The following RBFOX1 variants were observed in gnomAD, a reference collection of about 807,000 sequenced individuals.
RBFOX1 encodes RNA binding fox-1 homolog 1.
A neutral mutation model predicts 57.7 loss-of-function variants in RBFOX1; 8 were observed. The ratio of observed to expected loss-of-function variants is 0.14; its 90% CI spans 0.08 to 0.25. The LOEUF (loss-of-function observed/expected upper bound fraction) is 0.25. Among genes scored for constraint, RBFOX1 ranks in the 10% least tolerant of loss-of-function variants. The pLI is 1.00. For synonymous variants in RBFOX1, 326 were observed against 222.4 expected, an observed-to-expected ratio of 1.47 and a Z score of -4.15; for missense variants, 611 against 548.5, an observed-to-expected ratio of 1.11 and a Z score of -1.14.
chr16:7,635,704 G>A (rs1370881923), intron 11 of RBFOX1, among the ~76,000 whole-genome samples: 1 of 152,150 alleles, frequency 6.6e-6, no homozygotes, highest in Non-Finnish European at 1.5e-5. Flanking sequence ...AAGCCTTTTA[G>A]ATATTTTCAT....
Position 7,589,641 on chromosome 16 carries a change from G to A in RBFOX1, c.468+2341G>A, listed in dbSNP as rs111721178. 2.4e-3 allele frequency among the ~76,000 whole-genome samples: 357 copies of A among 151,638 alleles called. 5 individuals are homozygous for A. The highest frequency in any genetic ancestry group is 8.2e-3 in the African/African-American group (338 of 41,294). ...GAATGGCACTGAGACAGTCCAGTTG[G>A]GACTGCTAAATGGGGGCAGCAGCTC... On this transcript the variant is annotated intron_variant, in intron 7 of 15. Coordinates refer to ENST00000550418, the MANE Select transcript of RBFOX1 (RefSeq NM_018723.4).
At position 7,711,000 on chromosome 16, in the gene RBFOX1, A is replaced by G; in HGVS notation, c.*255A>G. The stretch of plus-strand genomic sequence containing the variant: ...CTGTAGGAGTTTTTGTGGTTGATCT[A>G]GACAGATGCTAGATAATGAATAAAA... On this transcript the variant is annotated 3_prime_UTR_variant, in exon 16 of 16. Transcript: ENST00000550418. 2.6e-6 allele frequency: 1 copy of G among 378,218 alleles called. No individual in the cohort carries two copies. 23.4% of individuals were successfully genotyped at this position (378,218 alleles called of 1,614,324 possible).
intron 3 of RBFOX1, among the ~76,000 whole-genome samples, chr16:6,668,315 G>T (rs1040016098): frequency 1.3e-5 from 2 of 152,202 alleles, no homozygotes; most frequent in African/African-American, 2.4e-5. Flanking sequence ...TGCCTGCCAA[G>T]GGTGGAGGAG....
intron 2 of RBFOX1, among the ~76,000 whole-genome samples, chr16:5,520,603 T>C (rs2043975399): frequency 6.6e-6 from 1 of 152,226 alleles, no homozygotes; most frequent in African/African-American, 2.4e-5. Context: ...TCTTGTCATG[T>C]TGAGGGAAAG....
chr16:6,040,072 C>G (rs2095419611), intron 1 of RBFOX1, among the ~76,000 whole-genome samples: 1 of 152,216 alleles, frequency 6.6e-6, no homozygotes, highest in Non-Finnish European at 1.5e-5. Context: ...AACATCTGAT[C>G]TCAGTGTGGT....
intron 2 of RBFOX1, among the ~76,000 whole-genome samples, chr16:6,334,224 G>T (rs978653989): frequency 6.6e-6 from 1 of 152,022 alleles, no homozygotes; most frequent in Non-Finnish European, 1.5e-5. Flanking sequence ...GTCAACGAAA[G>T]TGGCCAGGTG....
chr16:7,307,242 G>A lies in RBFOX1; in HGVS notation c.28-210905G>A, dbSNP rs376342225. 5.3e-5 allele frequency among the ~76,000 whole-genome samples: 8 copies of A among 152,260 alleles called. No individual in the cohort carries two copies. In the East Asian group the frequency reaches 1.4e-3, roughly 26 times the overall value. On this transcript the variant is annotated intron_variant, in intron 4 of 15. Transcript: ENST00000550418. ...CTGAAGTATATTTTTCTGGAATGCA[G>A]TTTCATATGGTTATTTCTTATCCAA...
intron 2 of RBFOX1, among the ~76,000 whole-genome samples, chr16:6,352,350 CG>C (rs2086563206): frequency 6.6e-6 from 1 of 152,050 alleles, no homozygotes; most frequent in South Asian, 2.1e-4. Flanking sequence ...ATAAACTATC[CG>C]TATTTGTTGA....
intron 1 of RBFOX1, among the ~76,000 whole-genome samples, chr16:6,194,864 A>T (rs771303227): frequency 2.6e-5 from 4 of 152,226 alleles, no homozygotes; most frequent in African/African-American, 4.8e-5. Context: ...ATGGTATGTC[A>T]TGTGTACTAG....
intron 1 of RBFOX1, among the ~76,000 whole-genome samples, chr16:6,293,432 C>G (rs912777746): frequency 8.1e-6 from 1 of 122,940 alleles, no homozygotes; most frequent in Non-Finnish European, 1.7e-5. Flanking sequence ...TCATCATTTT[C>G]TGTTTTGAAT....
chr16:6,557,106 C>T (rs566211550), intron 2 of RBFOX1, among the ~76,000 whole-genome samples: 3 of 139,462 alleles, frequency 2.2e-5, no homozygotes, highest in African/African-American at 5.5e-5. Context: ...TATATACATA[C>T]ATATATACAT....
intron 2 of RBFOX1, among the ~76,000 whole-genome samples, chr16:5,594,734 T>C (rs11076941): frequency 0.11 from 16,831 of 152,140 alleles, 1,165 homozygotes; most frequent in East Asian, 0.32. Context: ...GGGAGGCAAG[T>C]TGGCCCTAAA....
At chr16:7,529,977 C>G (rs1253998184) in intron 5 of RBFOX1, among the ~76,000 whole-genome samples, 1 of 135,914 alleles carries the variant, frequency 7.4e-6, no homozygotes, top group East Asian at 2.3e-4. Flanking sequence ...CCACTGCACT[C>G]TAGCCTGGAA....
intron 2 of RBFOX1, among the ~76,000 whole-genome samples, chr16:6,537,493 C>T (rs1170003640): frequency 6.6e-6 from 1 of 152,144 alleles, no homozygotes; most frequent in Non-Finnish European, 1.5e-5. Flanking sequence ...AGTTGAGGGG[C>T]TATAAGCTTA....
rs1429109564 is a variant in RBFOX1, at chr16:6,824,224, G to T, written c.-16+169574G>T. Among the ~76,000 whole-genome samples, 3 of 152,172 alleles carry T rather than the reference G, an allele frequency of 2.0e-5. No individual in the cohort carries two copies. In the East Asian group the frequency reaches 5.8e-4, roughly 29 times the overall value. On this transcript the variant is annotated intron_variant, in intron 3 of 15. Transcript: ENST00000550418. The stretch of plus-strand genomic sequence containing the variant: ...GTTCGAGACCAGTCTGGCCAACATG[G>T]CGAAACTCCATCTCCACTAAAAATA...
chr16:5,911,361 C>G (rs966509431), intron 4 of RBFOX1, among the ~76,000 whole-genome samples: 8 of 152,332 alleles, frequency 5.3e-5, no homozygotes, highest in Middle Eastern at 3.4e-3. Context: ...TCCTGTTCCC[C>G]TTATCTTGTG....
chr16:6,291,060 G>A (rs919302619), intron 1 of RBFOX1, among the ~76,000 whole-genome samples: 1 of 152,152 alleles, frequency 6.6e-6, no homozygotes, highest in African/African-American at 2.4e-5. Flanking sequence ...ACTTGCTGAT[G>A]TTGCCATGGC....
intron 10 of RBFOX1, among the ~76,000 whole-genome samples, chr16:7,624,497 C>T (rs1200347364): frequency 6.6e-6 from 1 of 152,152 alleles, no homozygotes; most frequent in Non-Finnish European, 1.5e-5. Context: ...AACATGTCAT[C>T]CTCTGGAAAA....
At chr16:6,354,489 C>T (rs1053537722) in intron 2 of RBFOX1, among the ~76,000 whole-genome samples, 1 of 152,122 alleles carries the variant, frequency 6.6e-6, no homozygotes, top group Non-Finnish European at 1.5e-5. Flanking sequence ...GTTGATGTCC[C>T]TGACTGATAG....
Sources: allele counts gnomAD v4.1 joint callset (sites outside exome capture counted in the v4.1 genomes callset), GRCh38; gene constraint gnomAD v4.1.1; transcripts MANE v1.5; gene names NCBI Gene and HGNC (gene_info 2026-07-23, HGNC 2026-07-21).